CSMD1: variants seen among roughly 807,000 people sequenced by gnomAD.
CSMD1 encodes the protein CUB and sushi domain-containing protein 1.
In CSMD1, 213 loss-of-function variants were observed where a neutral mutation model predicts 417.5. The observed-to-expected ratio is 0.51, with a 90% confidence interval of 0.46 to 0.57. CSMD1 has a LOEUF of 0.57. Among genes scored for constraint, CSMD1 ranks in the 20% least tolerant of loss-of-function variants. CSMD1 has a pLI of 0.00. For missense variants in CSMD1, 6,923 were observed against 4,529.7 expected (o/e 1.53, Z -15.17); for synonymous variants, 2,862 against 1,736.8 (o/e 1.65, Z -16.11).
chr8:2,979,287 A>T (rs1805202179), intron 54 of CSMD1, among the ~76,000 whole-genome samples: 1 of 152,264 alleles, frequency 6.6e-6, no homozygotes, highest in South Asian at 2.1e-4. Flanking sequence ...GCAACTAAAA[A>T]TGACAATTAT....
At chr8:4,383,258 A>G (rs1246556714) in intron 3 of CSMD1, among the ~76,000 whole-genome samples, 1 of 152,188 alleles carries the variant, frequency 6.6e-6, no homozygotes, top group Non-Finnish European at 1.5e-5. Context: ...AGCATTGTCT[A>G]GTACAGTTTG....
intron 1 of CSMD1, among the ~76,000 whole-genome samples, chr8:4,795,422 G>A (rs1423531511): frequency 1.3e-5 from 2 of 151,272 alleles, no homozygotes; most frequent in Non-Finnish European, 3.0e-5. Flanking sequence ...CAGGTACCCA[G>A]CACCACGCCA....
intron 30 of CSMD1, among the ~76,000 whole-genome samples, chr8:3,206,842 C>T (rs1032824967): frequency 6.6e-6 from 1 of 152,114 alleles, no homozygotes; most frequent in African/African-American, 2.4e-5. Context: ...GAAGAGACCT[C>T]CAATTAAATC....
intron 26 of CSMD1, among the ~76,000 whole-genome samples, chr8:3,255,622 G>C (rs959846543): frequency 2.6e-5 from 4 of 152,196 alleles, no homozygotes; most frequent in Non-Finnish European, 4.4e-5. Flanking sequence ...TCAGACTGCT[G>C]TTCTAGCAAT....
intron 20 of CSMD1, among the ~76,000 whole-genome samples, chr8:3,362,549 C>G (rs929873400): frequency 2.6e-5 from 4 of 152,152 alleles, no homozygotes; most frequent in African/African-American, 9.7e-5. Flanking sequence ...TTCTGCTGCC[C>G]CATGTGTTGA....
At chr8:4,903,776 G>A (rs534565927) in intron 1 of CSMD1, among the ~76,000 whole-genome samples, 1 of 152,292 alleles carries the variant, frequency 6.6e-6, no homozygotes, top group Admixed American at 6.5e-5. Context: ...AGGACCTGGA[G>A]TCTTCTTAGC....
At chr8:4,194,939 A>T (rs564687217) in intron 3 of CSMD1, among the ~76,000 whole-genome samples, 1 of 151,944 alleles carries the variant, frequency 6.6e-6, no homozygotes, top group African/African-American at 2.4e-5. Flanking sequence ...AGAGGTGATT[A>T]GTCCCCGGGT....
chr8:4,143,882 A>C (rs921532952), intron 3 of CSMD1, among the ~76,000 whole-genome samples: 4 of 151,010 alleles, frequency 2.6e-5, no homozygotes, highest in African/African-American at 9.9e-5. Context: ...ATCTGGATGA[A>C]GAATTTGGTC....
chr8:4,633,227 G>T (rs553336645), intron 2 of CSMD1, among the ~76,000 whole-genome samples: 1 of 151,850 alleles, frequency 6.6e-6, no homozygotes, highest in East Asian at 1.9e-4. Flanking sequence ...TAATGGAAAG[G>T]TGTTTTTTTA....
chr8:3,943,670 C>T (rs180961354), intron 5 of CSMD1, among the ~76,000 whole-genome samples: 1 of 152,074 alleles, frequency 6.6e-6, no homozygotes, highest in South Asian at 2.1e-4. Context: ...CAACAGGGGT[C>T]CCCTGCTATA....
At chr8:3,208,958 C>T (rs550977791) in intron 30 of CSMD1, among the ~76,000 whole-genome samples, 1 of 152,244 alleles carries the variant, frequency 6.6e-6, no homozygotes, top group South Asian at 2.1e-4. Flanking sequence ...ATAAACTCCC[C>T]TTTATATATG....
intron 5 of CSMD1, among the ~76,000 whole-genome samples, chr8:3,812,423 AATTAAAGTGCTCACAATGATGTGGCTAG>A (rs1007653147): frequency 6.6e-5 from 10 of 152,138 alleles, no homozygotes; most frequent in Admixed American, 2.6e-4. Flanking sequence ...CCTAGATATT[AATTAAAGTGCTCACAATGATGTGGCTAG>A]ATTAAAATAA....
At chr8:4,955,002 C>T (rs1467995277) in intron 1 of CSMD1, among the ~76,000 whole-genome samples, 3 of 152,048 alleles carry the variant, frequency 2.0e-5, no homozygotes, top group Non-Finnish European at 4.4e-5. Flanking sequence ...TTTCAATGTT[C>T]TTTCTTAGAC....
chr8:4,526,210 TCATGCGCTA>T (rs1796504632), intron 2 of CSMD1, among the ~76,000 whole-genome samples: 1 of 152,334 alleles, frequency 6.6e-6, no homozygotes, highest in South Asian at 2.1e-4. Flanking sequence ...CAGTATTATT[TCATGCGCTA>T]CATTTGATTA....
At chr8:3,759,605 A>T (rs1337182300) in intron 5 of CSMD1, among the ~76,000 whole-genome samples, 2 of 152,010 alleles carry the variant, frequency 1.3e-5, no homozygotes, top group African/African-American at 4.8e-5. Flanking sequence ...TCTAAAAGAG[A>T]ATAGGGTGCC....
At chr8:4,075,183 G>T (rs1049032692) in intron 3 of CSMD1, among the ~76,000 whole-genome samples, 1 of 152,116 alleles carries the variant, frequency 6.6e-6, no homozygotes, top group South Asian at 2.1e-4. Flanking sequence ...ATCCTTCCTT[G>T]TAGCACATTT....
At chr8:3,399,181 C>G (rs755660352) in intron 16 of CSMD1, among the ~76,000 whole-genome samples, 9 of 152,184 alleles carry the variant, frequency 5.9e-5, no homozygotes, top group Non-Finnish European at 1.3e-4. Context: ...AGTTCCCCTA[C>G]TAACCTCCAG....
intron 5 of CSMD1, among the ~76,000 whole-genome samples, chr8:3,954,991 A>T (rs111600073): frequency 2.2e-4 from 34 of 152,330 alleles, no homozygotes; most frequent in African/African-American, 8.2e-4. Context: ...GATGTTAATA[A>T]GTGTGGACCA....
chr8:3,746,501 A>T (rs192600942), intron 6 of CSMD1, among the ~76,000 whole-genome samples: 1 of 152,340 alleles, frequency 6.6e-6, no homozygotes, highest in East Asian at 1.9e-4. Context: ...TCAGAGACAC[A>T]ACTTTAAAAT....
Sources: gnomAD v4.1 joint callset for allele counts (sites outside exome capture counted in the v4.1 genomes callset) on GRCh38, gnomAD v4.1.1 for gene constraint, MANE v1.5 for transcripts, NCBI Gene and HGNC (gene_info 2026-07-23, HGNC 2026-07-21) for gene names.